MB21D2: variants seen among roughly 807,000 people sequenced by gnomAD.
The protein encoded by MB21D2 is Mab-21 domain containing 2, also known as nucleotidyltransferase MB21D2.
In MB21D2, 9 loss-of-function variants were observed where a neutral mutation model predicts 33.3. The observed-to-expected ratio is 0.27, with a 90% CI of 0.16 to 0.47. MB21D2 has a LOEUF of 0.47. Ranked by LOEUF, MB21D2 falls within the 20% of genes least tolerant of loss-of-function variation. The probability of loss-of-function intolerance (pLI) is 0.99; values close to 1 mark genes in which losing one functional copy is unlikely to be tolerated. For missense variants in MB21D2, 540 were observed against 624.6 expected (o/e 0.86, Z 1.44); for synonymous variants, 241 against 236.3 (o/e 1.02, Z -0.18).
chr3:192,819,894 T>C (rs1200536369), intron 1 of MB21D2, among the ~76,000 whole-genome samples: 1 of 152,214 alleles, frequency 6.6e-6, no homozygotes, highest in Non-Finnish European at 1.5e-5. Flanking sequence ...CTGCAGCTCC[T>C]GCTCTGGGGA....
Position 192,909,131 on chromosome 3 carries a change from CTG to C in MB21D2, c.211+8497_211+8498del, listed in dbSNP as rs570070065. 8.4e-4 allele frequency among the ~76,000 whole-genome samples: 128 copies of C among 151,966 alleles called. No homozygotes were observed. The Middle Eastern group carries it at 0.01, about 12-fold the overall frequency. On this transcript the variant is annotated intron_variant, in intron 1 of 1. Coordinates refer to ENST00000392452, the MANE Select transcript of MB21D2 (RefSeq NM_178496.4). Reference sequence around the variant, plus strand: ...ATTAGCCAAGCATGGTGGCGGGCGCCTGTAGTCCCAGCTACTCGGGAGGCTGA... The same window carrying C: ...ATTAGCCAAGCATGGTGGCGGGCGCCTAGTCCCAGCTACTCGGGAGGCTGA...
intron 1 of MB21D2, among the ~76,000 whole-genome samples, chr3:192,903,291 G>C (rs1229738354): frequency 6.6e-6 from 1 of 152,192 alleles, no homozygotes; most frequent in Non-Finnish European, 1.5e-5. Context: ...AGTAAAGGCA[G>C]CATTCAGGAT....
At chr3:192,811,574 C>G (rs528608431) in intron 1 of MB21D2, among the ~76,000 whole-genome samples, 44 of 152,260 alleles carry the variant, frequency 2.9e-4, no homozygotes, top group African/African-American at 1.1e-3. Context: ...AGTTCATTAG[C>G]CTTCACAGAT....
chr3:192,913,507 C>T (rs950210386), intron 1 of MB21D2, among the ~76,000 whole-genome samples: 4 of 152,058 alleles, frequency 2.6e-5, no homozygotes, highest in Admixed American at 2.6e-4. Flanking sequence ...AAAAACAATG[C>T]TTACTGTTAT....
chr3:192,883,158 G>A (rs1034330547), intron 1 of MB21D2, among the ~76,000 whole-genome samples: 4 of 152,036 alleles, frequency 2.6e-5, no homozygotes, highest in South Asian at 2.1e-4. Context: ...GTAAGCCACC[G>A]TGCCCAGCCT....
intron 1 of MB21D2, among the ~76,000 whole-genome samples, chr3:192,916,098 T>TTATATATATATATA (rs55749042): frequency 5.4e-4 from 75 of 139,170 alleles, no homozygotes; most frequent in African/African-American, 1.6e-3. Context: ...CTACCAGGTT[T>TTATATATATATATA]TATATATATA....
intron 1 of MB21D2, among the ~76,000 whole-genome samples, chr3:192,855,123 A>G (rs760483896): frequency 6.6e-6 from 1 of 152,070 alleles, no homozygotes; most frequent in African/African-American, 2.4e-5. Context: ...TCCAAGATGG[A>G]GTCTTGCTCT....
intron 1 of MB21D2, among the ~76,000 whole-genome samples, chr3:192,863,801 G>A (rs1281767257): frequency 6.6e-6 from 1 of 152,140 alleles, no homozygotes; most frequent in Admixed American, 6.5e-5. Flanking sequence ...CTTCCATCAG[G>A]TGAGGACACA....
At chr3:192,800,441 A>T (rs891579145) in intron 1 of MB21D2, among the ~76,000 whole-genome samples, 2 of 152,266 alleles carry the variant, frequency 1.3e-5, no homozygotes, top group Non-Finnish European at 2.9e-5. Context: ...GGAGGATAAT[A>T]TTGCCAGTGC....
chr3:192,807,700 A>C (rs963744888), intron 1 of MB21D2, among the ~76,000 whole-genome samples: 1 of 152,216 alleles, frequency 6.6e-6, no homozygotes, highest in Non-Finnish European at 1.5e-5. Context: ...GACAGGATTC[A>C]AAACTCAGAT....
At chr3:192,901,594 A>G (rs7643379) in intron 1 of MB21D2, among the ~76,000 whole-genome samples, 80,155 of 151,766 alleles carry the variant, frequency 0.53, 21,369 homozygotes, top group Non-Finnish European at 0.54. Flanking sequence ...CAATGCTTTA[A>G]AACAAGTCAA....
At chr3:192,873,982 T>G (rs1490698174) in intron 1 of MB21D2, among the ~76,000 whole-genome samples, 2 of 152,134 alleles carry the variant, frequency 1.3e-5, no homozygotes, top group African/African-American at 4.8e-5. Context: ...CTTAGTGCAT[T>G]TATTCTCTTC....
intron 1 of MB21D2, among the ~76,000 whole-genome samples, chr3:192,911,561 C>T (rs1193137872): frequency 1.3e-5 from 2 of 152,086 alleles, no homozygotes; most frequent in Non-Finnish European, 2.9e-5. Flanking sequence ...CTAGGGAATT[C>T]GGATTCAATA....
chr3:192,839,088 G>A lies in MB21D2; in HGVS notation c.212-39438C>T, dbSNP rs569011862. On this transcript the variant is annotated intron_variant, in intron 1 of 1. Transcript: ENST00000392452. ...ACTTATGACTTCATGATGGTGAGGG[G>A]GTGGATTGGGAGGCAAGGATTTTGT... 3.9e-5 allele frequency among the ~76,000 whole-genome samples: 6 copies of A among 152,246 alleles called. No homozygotes were observed. The East Asian group carries it at 9.6e-4, about 24-fold the overall frequency.
intron 1 of MB21D2, among the ~76,000 whole-genome samples, chr3:192,848,040 A>G (rs547358690): frequency 1.3e-5 from 2 of 152,292 alleles, no homozygotes; most frequent in South Asian, 4.1e-4. Flanking sequence ...GCTTGTTTAC[A>G]TTTTCGGCCA....
At chr3:192,801,647 TGA>T (rs1214668353) in intron 1 of MB21D2, among the ~76,000 whole-genome samples, 1 of 152,186 alleles carries the variant, frequency 6.6e-6, no homozygotes, top group East Asian at 1.9e-4. Flanking sequence ...CAGCCATCTA[TGA>T]ACCAGGAAGC....
intron 1 of MB21D2, among the ~76,000 whole-genome samples, chr3:192,895,084 G>A (rs1713936683): frequency 1.3e-5 from 2 of 152,128 alleles, no homozygotes; most frequent in Admixed American, 1.3e-4. Flanking sequence ...GGGTTGGGGG[G>A]GAGGGGGCCA....
intron 1 of MB21D2, among the ~76,000 whole-genome samples, chr3:192,902,819 C>T (rs998575464): frequency 6.6e-6 from 1 of 152,150 alleles, no homozygotes; most frequent in Admixed American, 6.5e-5. Flanking sequence ...AGCCACAGGC[C>T]GGTCCTATAG....
In MB21D2 at chr3:192,799,789, G is replaced by C. The variant is rs1221072314; in HGVS notation, c.212-139C>G. On this transcript the variant is annotated intron_variant, in intron 1 of 1. Coordinates refer to ENST00000392452, the MANE Select transcript of MB21D2 (RefSeq NM_178496.4). The surrounding 1 kb of genome is among the most constrained non-coding windows in gnomAD (Gnocchi z 4.1). ...AAATCAAATCTCAGGCTGCTGCAGA[G>C]ACCTGGCCAACAGTACTTTCTCACT... 4.4e-6 allele frequency: 4 copies of C among 900,108 alleles called. No homozygotes were observed. The highest frequency in any genetic ancestry group is 3.4e-5 in the African/African-American group (2 of 59,490). 55.8% of individuals were successfully genotyped at this position (900,108 alleles called of 1,614,324 possible).
Sources: allele counts gnomAD v4.1 joint callset (sites outside exome capture counted in the v4.1 genomes callset), GRCh38; gene constraint gnomAD v4.1.1; non-coding constraint Gnocchi (gnomAD v3.1); transcripts MANE v1.5; gene names NCBI Gene and HGNC (gene_info 2026-07-23, HGNC 2026-07-21).